Variants in PAH observed in about 807,000 individuals in gnomAD.
PAH encodes the protein phenylalanine hydroxylase, also known as phenylalanine-4-hydroxylase.
PAH carries 64 observed loss-of-function variants against 62.0 expected under a neutral mutation model. That is an observed-to-expected ratio of 1.03 (90% CI 0.84 to 1.27). The LOEUF is 1.27. PAH is among the 50% of genes most tolerant of loss of function. The pLI is 0.00. For synonymous variants in PAH, 195 were observed against 196.2 expected, an observed-to-expected ratio of 0.99 and a Z score of 0.05; for missense variants, 579 against 542.8, an observed-to-expected ratio of 1.07 and a Z score of -0.66.
At chr12:102,843,810 CT>C in intron 10 of PAH, 31 bp from the exon 11 acceptor site, 3 of 1,610,622 alleles carry the variant, frequency 1.9e-6, no homozygotes, top group Non-Finnish European at 2.5e-6. Flanking sequence ...GTTATTATCA[CT>C]GTTAAATCAG....
chr12:102,956,767 C>T (rs565449380), intron 1 of PAH, among the ~76,000 whole-genome samples: 1 of 151,606 alleles, frequency 6.6e-6, no homozygotes, highest in African/African-American at 2.4e-5. Context: ...AGAGGTCATC[C>T]TAGGGGGACG....
chr12:102,947,398 C>T (rs568123804), intron 1 of PAH, among the ~76,000 whole-genome samples: 2 of 152,292 alleles, frequency 1.3e-5, no homozygotes, highest in African/African-American at 4.8e-5. Flanking sequence ...GCCCTTGATA[C>T]ATCCATGGAA....
chr12:102,938,845 G>T (rs61943183), intron 1 of PAH, among the ~76,000 whole-genome samples: 46,639 of 151,996 alleles, frequency 0.31, 8,019 homozygotes, highest in African/African-American at 0.48. Flanking sequence ...CTGCTACACT[G>T]CACTCAGCAG....
chr12:102,907,717 C>T lies in PAH; in HGVS notation c.168+5074G>A, dbSNP rs955642043. 3.9e-5 allele frequency among the ~76,000 whole-genome samples: 6 copies of T among 152,006 alleles called. No homozygotes were observed. The South Asian group carries it at 6.2e-4, about 16-fold the overall frequency. On this transcript the variant is annotated intron_variant, in intron 2 of 12. Coordinates refer to ENST00000553106, the MANE Select transcript of PAH (RefSeq NM_000277.3). ...AACTTCAAACTCTGCCTCCTGGGTT[C>T]AAGCAATTCTCATGCCTCAGCCACC...
At chr12:102,944,162 TTG>T (rs1309083731) in intron 1 of PAH, among the ~76,000 whole-genome samples, 1 of 152,200 alleles carries the variant, frequency 6.6e-6, no homozygotes, top group Non-Finnish European at 1.5e-5. Flanking sequence ...TGCACGTTTT[TTG>T]TTTCTTTTCT....
intron 3 of PAH, among the ~76,000 whole-genome samples, chr12:102,880,779 C>T (rs1265818558): frequency 3.3e-5 from 5 of 151,968 alleles, no homozygotes; most frequent in Non-Finnish European, 1.5e-5. Flanking sequence ...AATGTAAATA[C>T]ATGACAATGT....
At chr12:102,856,994 A>G (rs1030188904) in intron 5 of PAH, among the ~76,000 whole-genome samples, 2 of 151,960 alleles carry the variant, frequency 1.3e-5, no homozygotes, top group African/African-American at 4.8e-5. Context: ...AATGACTTTG[A>G]TGAGAGAAGA....
At chr12:102,932,532 A>T (rs1227406470) in intron 1 of PAH, among the ~76,000 whole-genome samples, 1 of 152,204 alleles carries the variant, frequency 6.6e-6, no homozygotes, top group Non-Finnish European at 1.5e-5. Context: ...GAGGAGAAGG[A>T]CAGTTTTTCT....
At chr12:102,943,831 G>A (rs1879384524) in intron 1 of PAH, among the ~76,000 whole-genome samples, 1 of 152,032 alleles carries the variant, frequency 6.6e-6, no homozygotes, top group African/African-American at 2.4e-5. Context: ...TAAACACTGA[G>A]TGAAGATAGA....
intron 3 of PAH, among the ~76,000 whole-genome samples, chr12:102,889,554 A>AGATG (rs1877192866): frequency 1.3e-5 from 2 of 152,064 alleles, no homozygotes; most frequent in African/African-American, 2.4e-5. Flanking sequence ...ATAGACAGAT[A>AGATG]GATAGATAGA....
chr12:102,944,654 C>T (rs1227648361), intron 1 of PAH, among the ~76,000 whole-genome samples: 1 of 152,222 alleles, frequency 6.6e-6, no homozygotes, highest in Non-Finnish European at 1.5e-5. Context: ...AATTCCTTCT[C>T]TATGTTATCT....
chr12:102,936,085 C>T (rs1311923393), intron 1 of PAH, among the ~76,000 whole-genome samples: 1 of 151,706 alleles, frequency 6.6e-6, no homozygotes, highest in Admixed American at 6.6e-5. Flanking sequence ...GTTGTGTTTC[C>T]ATTATCACTG....
At position 102,877,642 on chromosome 12, in the gene PAH, G is replaced by A. The variant is rs186726186; in HGVS notation, c.353-92C>T. On this transcript the variant is annotated intron_variant, in intron 3 of 12. Transcript: ENST00000553106. ...ATCAGAAGTGGGGATCCCAGCCAATGGTGATGGCAAGTGGGCTGGCTTCCA... is the reference window on the plus strand; with the variant it reads ...ATCAGAAGTGGGGATCCCAGCCAATAGTGATGGCAAGTGGGCTGGCTTCCA... 2.5e-5 allele frequency: 23 copies of A among 922,056 alleles called. No homozygotes were observed. The African/African-American group carries it at 3.4e-4, about 14-fold the overall frequency. The allele number at this position is 922,056 out of a possible 1,614,324, so 57.1% of individuals were successfully genotyped here.
At chr12:102,858,152 T>A (rs2264623) in intron 5 of PAH, among the ~76,000 whole-genome samples, 2 of 151,800 alleles carry the variant, frequency 1.3e-5, no homozygotes. Flanking sequence ...AAATGGAAAA[T>A]GAAAAAAGGC....
At chr12:102,902,024 T>A (rs949920870) in intron 2 of PAH, among the ~76,000 whole-genome samples, 3 of 152,160 alleles carry the variant, frequency 2.0e-5, no homozygotes, top group African/African-American at 7.2e-5. Context: ...TGGAGAAAGA[T>A]GAAGCAGGAA....
chr12:102,909,409 A>G (rs894095616), intron 2 of PAH, among the ~76,000 whole-genome samples: 25 of 152,130 alleles, frequency 1.6e-4, no homozygotes, highest in South Asian at 1.0e-3. Context: ...TTTTTTTACT[A>G]TTAAGGAAAG....
intron 6 of PAH, chr12:102,853,207 A>G: frequency 2.0e-6 from 1 of 509,964 alleles, no homozygotes; most frequent in South Asian, 2.1e-5. Flanking sequence ...CCAAGAATAA[A>G]AAGAGCTAAT....
intron 12 of PAH, 71 bp downstream of exon 12, chr12:102,840,329 G>T: frequency 1.1e-6 from 1 of 921,482 alleles, no homozygotes; most frequent in African/African-American, 1.6e-5. Context: ...TTTTTCCTAT[G>T]GCGATGGTAG....
chr12:102,896,940 CT>C (rs1877530132), intron 2 of PAH, among the ~76,000 whole-genome samples: 1 of 152,172 alleles, frequency 6.6e-6, no homozygotes, highest in Non-Finnish European at 1.5e-5. Flanking sequence ...TTTTTAGTGG[CT>C]GCCTGATGAT....
Sources: gnomAD v4.1 joint callset for allele counts (sites outside exome capture counted in the v4.1 genomes callset) on GRCh38, gnomAD v4.1.1 for gene constraint, MANE v1.5 for transcripts, NCBI Gene and HGNC (gene_info 2026-07-23, HGNC 2026-07-21) for gene names.